The following CDH22 variants were observed in gnomAD, a reference collection of about 807,000 sequenced individuals.
CDH22 encodes cadherin-22.
In CDH22, 30 loss-of-function variants were observed where a neutral mutation model predicts 58.4. That is an observed-to-expected ratio of 0.51 (90% CI 0.38 to 0.70). The LOEUF is 0.70. Among genes scored for constraint, CDH22 ranks in the 30% least tolerant of loss-of-function variants. The pLI is 0.00. For synonymous variants in CDH22, 513 were observed against 558.2 expected, an observed-to-expected ratio of 0.92 and a Z score of 1.14; for missense variants, 1,014 against 1,233.9, an observed-to-expected ratio of 0.82 and a Z score of 2.67.
At chr20:46,189,974 A>G (rs1398165794) in intron 8 of CDH22, among the ~76,000 whole-genome samples, 1 of 151,512 alleles carries the variant, frequency 6.6e-6, no homozygotes, top group Non-Finnish European at 1.5e-5. Flanking sequence ...AAACAGCTCC[A>G]GAGGATCAGC....
At chr20:46,282,716 A>G (rs2086556449) in intron 1 of CDH22, among the ~76,000 whole-genome samples, 2 of 152,024 alleles carry the variant, frequency 1.3e-5, no homozygotes, top group African/African-American at 4.8e-5. Context: ...TCGTCTTCTC[A>G]GAGCTTATCC....
intron 3 of CDH22, 39 bp downstream of exon 3, chr20:46,240,924 C>G: frequency 6.4e-7 from 1 of 1,568,486 alleles, no homozygotes; most frequent in Non-Finnish European, 8.7e-7. Flanking sequence ...TTGGGGATCA[C>G]CTTGATCCCA....
At chr20:46,290,966 G>A (rs1451733712) in intron 1 of CDH22, among the ~76,000 whole-genome samples, 1 of 152,130 alleles carries the variant, frequency 6.6e-6, no homozygotes, top group Non-Finnish European at 1.5e-5. Flanking sequence ...TGACTGCCTT[G>A]TTCAAGACAG....
At chr20:46,179,409 C>A (rs1238693626) in intron 10 of CDH22, among the ~76,000 whole-genome samples, 4 of 152,160 alleles carry the variant, frequency 2.6e-5, no homozygotes, top group Non-Finnish European at 5.9e-5. Context: ...GACCCCAATT[C>A]AGTGTCCCAG....
At chr20:46,184,878 G>A (rs550127848) in intron 10 of CDH22, among the ~76,000 whole-genome samples, 44 of 152,204 alleles carry the variant, frequency 2.9e-4, no homozygotes, top group African/African-American at 9.4e-4. Flanking sequence ...CTGAGGTCAG[G>A]AGTTCGAGAC....
At chr20:46,262,232 G>A (rs940037774) in intron 1 of CDH22, among the ~76,000 whole-genome samples, 6 of 151,708 alleles carry the variant, frequency 4.0e-5, no homozygotes, top group African/African-American at 1.2e-4. Flanking sequence ...GGGGGTGGGG[G>A]GTGGTGGAGT....
chr20:46,289,589 T>G (rs1447310403), intron 1 of CDH22, among the ~76,000 whole-genome samples: 1 of 152,244 alleles, frequency 6.6e-6, no homozygotes, highest in African/African-American at 2.4e-5. Context: ...GATTCTCCAC[T>G]GCTTTCCTGG....
At chr20:46,212,568 G>A (rs2086050967) in intron 6 of CDH22, among the ~76,000 whole-genome samples, 1 of 152,204 alleles carries the variant, frequency 6.6e-6, no homozygotes, top group African/African-American at 2.4e-5. Flanking sequence ...TCTACCATGT[G>A]CCTTACAGGT....
intron 1 of CDH22, among the ~76,000 whole-genome samples, chr20:46,282,340 G>A (rs962745334): frequency 6.6e-6 from 1 of 152,136 alleles, no homozygotes; most frequent in African/African-American, 2.4e-5. Flanking sequence ...TACACACAGT[G>A]GGTGGAGATG....
At chr20:46,288,917 T>C (rs2086587817) in intron 1 of CDH22, among the ~76,000 whole-genome samples, 1 of 152,224 alleles carries the variant, frequency 6.6e-6, no homozygotes, top group African/African-American at 2.4e-5. Context: ...CTGCAGACTG[T>C]TCTCAGTTAT....
chr20:46,266,530 G>T (rs939064344), intron 1 of CDH22, among the ~76,000 whole-genome samples: 6 of 152,212 alleles, frequency 3.9e-5, no homozygotes, highest in Non-Finnish European at 8.8e-5. Flanking sequence ...TTTCATTCCA[G>T]TCTCCCTTAG....
intron 10 of CDH22, among the ~76,000 whole-genome samples, 200 bp from the exon 11 acceptor site, chr20:46,178,397 A>T (rs899691541): frequency 6.6e-6 from 1 of 151,892 alleles, no homozygotes; most frequent in African/African-American, 2.4e-5. Context: ...CTGCCCAAAG[A>T]TTCTGTCCCC....
chr20:46,260,614 G>A (rs1255580507), intron 1 of CDH22, among the ~76,000 whole-genome samples: 1 of 152,216 alleles, frequency 6.6e-6, no homozygotes, highest in African/African-American at 2.4e-5. Flanking sequence ...GAGGCTGGTT[G>A]GGTAATATGA....
chr20:46,260,753 C>A (rs112030841), intron 1 of CDH22, among the ~76,000 whole-genome samples: 481 of 152,370 alleles, frequency 3.2e-3, no homozygotes, highest in African/African-American at 0.011. Flanking sequence ...ACTGCCAAGG[C>A]TGTATGACTG....
intron 2 of CDH22, among the ~76,000 whole-genome samples, chr20:46,242,452 T>C (rs1417967124): frequency 6.6e-6 from 1 of 152,236 alleles, no homozygotes; most frequent in Non-Finnish European, 1.5e-5. Context: ...ATCTGTAACA[T>C]GGGAATCATA....
chr20:46,178,259 C>G, intron 10 of CDH22, 62 bp from the exon 11 acceptor site: 1 of 1,562,406 alleles, frequency 6.4e-7, no homozygotes. Flanking sequence ...CTTGTCCTAG[C>G]CACCTCCTGA....
chr20:46,297,042 C>A (rs2145782027), intron 1 of CDH22, among the ~76,000 whole-genome samples: 2 of 152,302 alleles, frequency 1.3e-5, no homozygotes, highest in South Asian at 4.1e-4. Flanking sequence ...CTTTCCCAGC[C>A]TGAAGCTGGC....
intron 8 of CDH22, among the ~76,000 whole-genome samples, chr20:46,196,555 T>C (rs1217163966): frequency 6.6e-6 from 1 of 152,194 alleles, no homozygotes; most frequent in African/African-American, 2.4e-5. Flanking sequence ...ATTACAGGCG[T>C]GAGCCACTGT....
At chr20:46,273,787 A>G (rs6074085) in intron 1 of CDH22, among the ~76,000 whole-genome samples, 50,160 of 152,068 alleles carry the variant, frequency 0.33, 8,509 homozygotes, top group East Asian at 0.5. Context: ...GGAAGTGGAC[A>G]TTGTAGTAAA....
Sources: gnomAD v4.1 joint callset for allele counts (sites outside exome capture counted in the v4.1 genomes callset) on GRCh38, gnomAD v4.1.1 for gene constraint, MANE v1.5 for transcripts, NCBI Gene and HGNC (gene_info 2026-07-23, HGNC 2026-07-21) for gene names.